The following FBXL17 variants were observed in gnomAD, a reference collection of about 807,000 sequenced individuals.
FBXL17 encodes the protein F-box and leucine rich repeat protein 17.
Under a neutral mutation model 66.2 loss-of-function variants are expected in FBXL17, and 22 were observed. The observed-to-expected ratio is 0.33, with a 90% CI of 0.24 to 0.47. The LOEUF is 0.47. FBXL17 is among the 20% of genes least tolerant of loss of function. The probability of loss-of-function intolerance (pLI) is 1.00; values close to 1 mark genes in which losing one functional copy is unlikely to be tolerated. For missense variants in FBXL17, 878 were observed against 948.2 expected, an observed-to-expected ratio of 0.93 and a Z score of 0.97; for synonymous variants, 474 against 400.5, an observed-to-expected ratio of 1.18 and a Z score of -2.19.
At chr5:108,344,878 T>C (rs1374469305) in intron 4 of FBXL17, among the ~76,000 whole-genome samples, 1 of 152,180 alleles carries the variant, frequency 6.6e-6, no homozygotes, top group African/African-American at 2.4e-5. Flanking sequence ...AACAGACACA[T>C]ACAATATGCT....
intron 7 of FBXL17, among the ~76,000 whole-genome samples, chr5:107,932,593 T>C (rs565183283): frequency 1.3e-5 from 2 of 152,310 alleles, no homozygotes; most frequent in South Asian, 2.1e-4. Context: ...AAAAGCACAA[T>C]TGTATGTAAA....
intron 6 of FBXL17, among the ~76,000 whole-genome samples, chr5:108,060,990 CA>C (rs1364734657): frequency 6.6e-6 from 1 of 151,764 alleles, no homozygotes; most frequent in Non-Finnish European, 1.5e-5. Flanking sequence ...TTTTTTAATT[CA>C]AAAAAATTTT....
chr5:108,299,991 C>T (rs1233544137), intron 4 of FBXL17, among the ~76,000 whole-genome samples: 1 of 151,954 alleles, frequency 6.6e-6, no homozygotes, highest in Non-Finnish European at 1.5e-5. Flanking sequence ...GGAGTATGTC[C>T]ATTCTTACGG....
chr5:107,939,110 T>C (rs927201895), intron 7 of FBXL17, among the ~76,000 whole-genome samples: 2 of 152,178 alleles, frequency 1.3e-5, no homozygotes, highest in Non-Finnish European at 2.9e-5. Context: ...TCATGAATGA[T>C]CATTATCATC....
intron 7 of FBXL17, among the ~76,000 whole-genome samples, chr5:107,919,628 T>C (rs1393459599): frequency 6.6e-6 from 1 of 152,124 alleles, no homozygotes; most frequent in Non-Finnish European, 1.5e-5. Context: ...AACAAATGAA[T>C]CATCCTCCTG....
intron 3 of FBXL17, among the ~76,000 whole-genome samples, 172 bp downstream of exon 3, chr5:108,364,566 A>C (rs1748542295): frequency 6.6e-6 from 1 of 152,086 alleles, no homozygotes; most frequent in African/African-American, 2.4e-5. Context: ...TTTACTGATT[A>C]TAACCATGGC....
intron 7 of FBXL17, among the ~76,000 whole-genome samples, chr5:107,940,694 A>G (rs2112588868): frequency 6.6e-6 from 1 of 152,282 alleles, no homozygotes; most frequent in South Asian, 2.1e-4. Context: ...AGGACCTTAA[A>G]TGCCTTGCTC....
At chr5:107,897,021 G>T (rs559576427) in intron 7 of FBXL17, among the ~76,000 whole-genome samples, 11 of 151,932 alleles carry the variant, frequency 7.2e-5, no homozygotes, top group Non-Finnish European at 1.3e-4. Flanking sequence ...GGAAGATGAA[G>T]GATCTAAATA....
In FBXL17 at chr5:107,973,403, T is replaced by C. The variant is rs1485798939; in HGVS notation, c.1822+47522A>G. 4.7e-5 allele frequency among the ~76,000 whole-genome samples: 7 copies of C among 147,748 alleles called. No homozygotes were observed. The East Asian group carries it at 1.4e-3, about 29-fold the overall frequency. ...CTCATCGGTTATCAGTCAGGGTTAG[T>C]GTATTTTATGTGTGGCCCAAGACAA... On this transcript the variant is annotated intron_variant, in intron 7 of 8. Coordinates refer to ENST00000542267, the MANE Select transcript of FBXL17 (RefSeq NM_001163315.3).
chr5:108,172,782 C>T lies in FBXL17; in HGVS notation c.1745+13335G>A, dbSNP rs763309379. Among the ~76,000 whole-genome samples the T allele has an allele frequency of 4.0e-4, 61 of 152,170 alleles. 1 individual carries two copies. The highest frequency in any genetic ancestry group is 7.9e-4 in the Non-Finnish European group (54 of 67,986). On this transcript the variant is annotated intron_variant, in intron 6 of 8. Coordinates refer to ENST00000542267, the MANE Select transcript of FBXL17 (RefSeq NM_001163315.3). ...CCATCTAATTTGATATTTTTACCTACAAGAGCAGCTTTATTTTATTTGTTT... is the reference window on the plus strand; with the variant it reads ...CCATCTAATTTGATATTTTTACCTATAAGAGCAGCTTTATTTTATTTGTTT...
chr5:108,090,101 T>C, intron 6 of FBXL17, among the ~76,000 whole-genome samples: 1 of 152,172 alleles, frequency 6.6e-6, no homozygotes, highest in East Asian at 1.9e-4. Context: ...AGTGCTGCGA[T>C]TACAGGTGTG....
chr5:108,017,828 A>C (rs995181338), intron 7 of FBXL17, among the ~76,000 whole-genome samples: 21 of 152,170 alleles, frequency 1.4e-4, no homozygotes, highest in African/African-American at 5.1e-4. Flanking sequence ...CTTTACCATA[A>C]ATATCTATGT....
At chr5:107,873,012 C>T (rs1748507622) in intron 8 of FBXL17, among the ~76,000 whole-genome samples, 1 of 152,198 alleles carries the variant, frequency 6.6e-6, no homozygotes, top group East Asian at 1.9e-4. Flanking sequence ...TTTGGTGACA[C>T]AGAGGCCACT....
chr5:107,910,677 C>T (rs993765954), intron 7 of FBXL17, among the ~76,000 whole-genome samples: 68 of 151,930 alleles, frequency 4.5e-4, no homozygotes, highest in Admixed American at 4.1e-3. Flanking sequence ...AGCTGATATA[C>T]CATTAAAAAT....
At chr5:108,027,298 G>C (rs563909666) in intron 6 of FBXL17, among the ~76,000 whole-genome samples, 1 of 152,120 alleles carries the variant, frequency 6.6e-6, no homozygotes, top group Admixed American at 6.6e-5. Flanking sequence ...TTTCTGAGGG[G>C]CAGGTACAGA....
chr5:107,916,133 G>T (rs950949923), intron 7 of FBXL17, among the ~76,000 whole-genome samples: 1 of 152,172 alleles, frequency 6.6e-6, no homozygotes, highest in African/African-American at 2.4e-5. Context: ...ACATGGTGCA[G>T]TAAACATAAA....
chr5:107,997,466 A>G (rs17160832), intron 7 of FBXL17, among the ~76,000 whole-genome samples: 7,291 of 152,094 alleles, frequency 0.048, 416 homozygotes, highest in East Asian at 0.19. Flanking sequence ...GGTGTCCAAG[A>G]CCCCTCCAGG....
chr5:107,914,967 C>T (rs537865359), intron 7 of FBXL17, among the ~76,000 whole-genome samples: 59 of 152,164 alleles, frequency 3.9e-4, no homozygotes, highest in Non-Finnish European at 6.2e-4. Flanking sequence ...CCAAAAGATT[C>T]CTGAAAATAC....
intron 4 of FBXL17, among the ~76,000 whole-genome samples, chr5:108,343,586 T>A (rs1376761985): frequency 3.9e-5 from 6 of 152,212 alleles, no homozygotes; most frequent in Non-Finnish European, 7.3e-5. Context: ...CCCATTAATT[T>A]ATTAACTCTA....
Sources: gnomAD v4.1 joint callset for allele counts (sites outside exome capture counted in the v4.1 genomes callset) on GRCh38, gnomAD v4.1.1 for gene constraint, MANE v1.5 for transcripts, NCBI Gene and HGNC (gene_info 2026-07-23, HGNC 2026-07-21) for gene names.